Variants in SHQ1 observed in about 807,000 individuals in gnomAD.
The protein encoded by SHQ1 is protein SHQ1 homolog.
Under a neutral mutation model 53.8 loss-of-function variants are expected in SHQ1, and 49 were observed. That is an observed-to-expected ratio of 0.91 (90% CI 0.72 to 1.16). SHQ1 has a LOEUF of 1.16. SHQ1 is among the 50% of genes most tolerant of loss of function. SHQ1 has a pLI of 0.00. For synonymous variants in SHQ1, 243 were observed against 251.0 expected (o/e 0.97, Z 0.30); for missense variants, 738 against 683.1 (o/e 1.08, Z -0.90).
At chr3:72,814,083 A>G (rs1707227431) in intron 8 of SHQ1, among the ~76,000 whole-genome samples, 1 of 152,196 alleles carries the variant, frequency 6.6e-6, no homozygotes, top group African/African-American at 2.4e-5. Flanking sequence ...CAAGGGAGAA[A>G]GATAATTTAC....
At chr3:72,825,686 G>C (rs777286316) in intron 5 of SHQ1, among the ~76,000 whole-genome samples, 12 of 152,052 alleles carry the variant, frequency 7.9e-5, no homozygotes, top group Non-Finnish European at 1.3e-4. Context: ...TATAACTCAT[G>C]GTGAAAATTT....
At chr3:72,730,018 C>A in the SHQ1 span, among the ~76,000 whole-genome samples, 31 of 151,978 alleles carry the variant, frequency 2.0e-4, no homozygotes, top group South Asian at 6.2e-3. Flanking sequence ...CGGGGTTTCA[C>A]CGTGTTAGCC....
intron 4 of SHQ1, among the ~76,000 whole-genome samples, chr3:72,838,666 A>G (rs759394926): frequency 6.6e-6 from 1 of 152,052 alleles, no homozygotes. Flanking sequence ...CGCTCAGCTA[A>G]TTTTTGTATT....
At chr3:72,748,086 A>ATT (rs1705287445), downstream of SHQ1, among the ~76,000 whole-genome samples, 1 of 151,886 alleles carries the variant, frequency 6.6e-6, no homozygotes, top group Non-Finnish European at 1.5e-5. Flanking sequence ...AAAACTCATA[A>ATT]TTCATAAGGC....
At chr3:72,819,855 AT>A (rs1319967057) in intron 6 of SHQ1, among the ~76,000 whole-genome samples, 1 of 152,196 alleles carries the variant, frequency 6.6e-6, no homozygotes. Flanking sequence ...AAGCAATTTG[AT>A]TTAAGGAAAT....
At chr3:72,779,301 A>C (rs1211015998) in intron 10 of SHQ1, among the ~76,000 whole-genome samples, 1 of 152,100 alleles carries the variant, frequency 6.6e-6, no homozygotes, top group East Asian at 1.9e-4. Context: ...TGATGGAACT[A>C]CTATGTATTC....
intron 10 of SHQ1, among the ~76,000 whole-genome samples, chr3:72,777,581 T>A (rs2106750877): frequency 6.6e-6 from 1 of 152,376 alleles, no homozygotes; most frequent in East Asian, 1.9e-4. Context: ...AAAATTATTA[T>A]ACATTGCTGG....
chr3:72,781,582 A>G (rs1436204451), intron 10 of SHQ1, among the ~76,000 whole-genome samples: 2 of 152,188 alleles, frequency 1.3e-5, no homozygotes, highest in African/African-American at 2.4e-5. Context: ...AGCAGAAAGA[A>G]GAGACCATAT....
At chr3:72,746,131 T>C (rs1178796827), downstream of SHQ1, among the ~76,000 whole-genome samples, 1 of 152,118 alleles carries the variant, frequency 6.6e-6, no homozygotes, top group Non-Finnish European at 1.5e-5. Context: ...ACATGAGCCA[T>C]CGCGCCCAGC....
At chr3:72,751,238 C>G (rs1705358321) in intron 10 of SHQ1, among the ~76,000 whole-genome samples, 3 of 151,954 alleles carry the variant, frequency 2.0e-5, no homozygotes, top group Admixed American at 2.0e-4. Context: ...TGGTGAAACC[C>G]TGTCTCTACT....
At chr3:72,748,788 C>T (rs879375818), downstream of SHQ1, among the ~76,000 whole-genome samples, 3 of 152,028 alleles carry the variant, frequency 2.0e-5, no homozygotes, top group African/African-American at 7.2e-5. Flanking sequence ...GGCAATATGA[C>T]GAAACCCCAT....
chr3:72,816,989 T>C (rs942672878), intron 7 of SHQ1, among the ~76,000 whole-genome samples: 2 of 152,186 alleles, frequency 1.3e-5, no homozygotes, highest in African/African-American at 4.8e-5. Context: ...TCCCTTAAAC[T>C]TCCCTACTCT....
At chr3:72,828,767 A>G (rs574037848) in intron 5 of SHQ1, among the ~76,000 whole-genome samples, 1 of 152,284 alleles carries the variant, frequency 6.6e-6, no homozygotes, top group South Asian at 2.1e-4. Flanking sequence ...GTGGTGTAAA[A>G]CGTGAGCAGG....
At chr3:72,795,634 G>A (rs57396880) in intron 9 of SHQ1, 31,936 of 152,084 alleles carry the variant, frequency 0.21, 3,619 homozygotes, top group Non-Finnish European at 0.24. Context: ...GAAGGAGGGT[G>A]CAGAGGGAAG....
chr3:72,837,565 G>A (rs1359774287), intron 4 of SHQ1, among the ~76,000 whole-genome samples: 1 of 152,148 alleles, frequency 6.6e-6, no homozygotes, highest in Non-Finnish European at 1.5e-5. Flanking sequence ...ACTCATATGA[G>A]TAGTCAATGA....
chr3:72,779,350 T>C (rs1030978869), intron 10 of SHQ1, among the ~76,000 whole-genome samples: 7 of 152,206 alleles, frequency 4.6e-5, no homozygotes, highest in African/African-American at 1.7e-4. Flanking sequence ...CTCCTACTTG[T>C]ACTTCAGTAC....
At chr3:72,844,869 A>G (rs1478665178) in intron 1 of SHQ1, among the ~76,000 whole-genome samples, 1 of 152,210 alleles carries the variant, frequency 6.6e-6, no homozygotes, top group East Asian at 1.9e-4. Flanking sequence ...CAAAAGTATT[A>G]AAAAATTACA....
At chr3:72,848,116 T>A in intron 1 of SHQ1, 82 bp downstream of exon 1, 1 of 1,550,348 alleles carries the variant, frequency 6.5e-7, no homozygotes. Context: ...AATCGAGCAC[T>A]GCTCTCTCGA....
At chr3:72,751,537 C>T (rs867735749) in intron 10 of SHQ1, among the ~76,000 whole-genome samples, 3,023 of 95,066 alleles carry the variant, frequency 0.032, 181 homozygotes, top group African/African-American at 0.15. Context: ...TATACATATA[C>T]ATACACTAAT....
Sources: gnomAD v4.1 joint callset for allele counts (sites outside exome capture counted in the v4.1 genomes callset) on GRCh38, gnomAD v4.1.1 for gene constraint, MANE v1.5 for transcripts, NCBI Gene and HGNC (gene_info 2026-07-23, HGNC 2026-07-21) for gene names.